DCC: variants seen among roughly 807,000 people sequenced by gnomAD.
DCC encodes netrin receptor DCC.
Under a neutral mutation model 172.5 loss-of-function variants are expected in DCC, and 58 were observed. The ratio of observed to expected loss-of-function variants is 0.34; its 90% CI spans 0.27 to 0.42. DCC has a LOEUF of 0.42. Among genes scored for constraint, DCC ranks in the 10% least tolerant of loss-of-function variants. DCC has a pLI of 1.00. For synonymous variants in DCC, 709 were observed against 644.5 expected (o/e 1.10, Z -1.52); for missense variants, 1,740 against 1,791.0 (o/e 0.97, Z 0.51).
At chr18:53,509,685 T>C (rs1279381052) in intron 27 of DCC, among the ~76,000 whole-genome samples, 2 of 152,230 alleles carry the variant, frequency 1.3e-5, no homozygotes, top group Non-Finnish European at 2.9e-5. Flanking sequence ...AGTGAGTTCA[T>C]AGCATTCATT....
At chr18:53,260,901 C>T (rs571893123) in intron 12 of DCC, among the ~76,000 whole-genome samples, 6 of 152,100 alleles carry the variant, frequency 3.9e-5, no homozygotes, top group African/African-American at 1.2e-4. Context: ...CCTCAGCAAT[C>T]GTAGGCACCC....
intron 12 of DCC, among the ~76,000 whole-genome samples, chr18:53,288,739 TTCTAAC>T (rs1598986669): frequency 6.6e-6 from 1 of 152,274 alleles, no homozygotes; most frequent in East Asian, 1.9e-4. Flanking sequence ...AGTAAACTAC[TTCTAAC>T]TGTTCTTAAG....
At chr18:52,642,046 ACTGTGG>A (rs1456753780) in intron 1 of DCC, among the ~76,000 whole-genome samples, 4 of 16,338 alleles carry the variant, frequency 2.4e-4, no homozygotes, top group Non-Finnish European at 4.7e-4. Context: ...ATATATATAT[ACTGTGG>A]TGTGTGTGTG....
intron 1 of DCC, among the ~76,000 whole-genome samples, chr18:52,372,926 T>C (rs1046605627): frequency 2.2e-4 from 34 of 152,288 alleles, no homozygotes; most frequent in African/African-American, 7.5e-4. Flanking sequence ...GAAAATGCAG[T>C]GCATTTTGCT....
chr18:53,157,598 G>A (rs2054764487), intron 8 of DCC, 86 bp downstream of exon 8: 1 of 1,420,050 alleles, frequency 7.0e-7, no homozygotes, highest in South Asian at 1.2e-5. Context: ...GAGATCTTGG[G>A]CAGGAACTTT....
intron 25 of DCC, among the ~76,000 whole-genome samples, chr18:53,481,257 G>C (rs1276395544): frequency 6.6e-6 from 1 of 152,208 alleles, no homozygotes; most frequent in Non-Finnish European, 1.5e-5. Flanking sequence ...GGATCAGTGG[G>C]AGGCATCTTT....
chr18:52,853,515 T>C (rs2039008487), intron 2 of DCC, among the ~76,000 whole-genome samples: 1 of 152,194 alleles, frequency 6.6e-6, no homozygotes, highest in African/African-American at 2.4e-5. Context: ...TCTGATTTCA[T>C]CAGGAAAACC....
chr18:52,629,730 C>G (rs2034639091), intron 1 of DCC, among the ~76,000 whole-genome samples: 1 of 151,992 alleles, frequency 6.6e-6, no homozygotes. Flanking sequence ...GCGGGCAGAT[C>G]ACGAGGTCAG....
chr18:53,504,908 ATGTTTTTT>A (rs1430223770), intron 27 of DCC, among the ~76,000 whole-genome samples: 2 of 152,152 alleles, frequency 1.3e-5, no homozygotes, highest in Non-Finnish European at 2.9e-5. Context: ...ATTTGGAGAA[ATGTTTTTT>A]TGTTTGTTTG....
intron 13 of DCC, among the ~76,000 whole-genome samples, chr18:53,312,587 T>C (rs1160330761): frequency 6.6e-6 from 1 of 151,272 alleles, no homozygotes; most frequent in Admixed American, 6.6e-5. Flanking sequence ...TCCCAGCATT[T>C]TGGGAGACCG....
At chr18:52,429,342 A>C (rs2144462242) in intron 1 of DCC, among the ~76,000 whole-genome samples, 1 of 152,242 alleles carries the variant, frequency 6.6e-6, no homozygotes, top group East Asian at 1.9e-4. Context: ...ACACTGAGGC[A>C]TGTGTGAGTG....
chr18:53,079,369 T>C (rs144252739), intron 7 of DCC, among the ~76,000 whole-genome samples: 2 of 152,242 alleles, frequency 1.3e-5, no homozygotes, highest in South Asian at 4.1e-4. Context: ...AGATCTTCTT[T>C]AATACGCTTG....
At chr18:53,441,230 C>CAAA (rs1199541408) in intron 22 of DCC, among the ~76,000 whole-genome samples, 1 of 152,124 alleles carries the variant, frequency 6.6e-6, no homozygotes, top group Non-Finnish European at 1.5e-5. Flanking sequence ...TCAAGTGTCC[C>CAAA]ATTGTCAGAT....
intron 8 of DCC, among the ~76,000 whole-genome samples, chr18:53,160,688 A>G (rs1202909936): frequency 6.6e-6 from 1 of 152,166 alleles, no homozygotes; most frequent in African/African-American, 2.4e-5. Flanking sequence ...TTTATCAGGC[A>G]GTCTCTCTCA....
At chr18:52,519,490 T>A (rs1477903393) in intron 1 of DCC, among the ~76,000 whole-genome samples, 4 of 152,206 alleles carry the variant, frequency 2.6e-5, no homozygotes, top group Admixed American at 2.0e-4. Context: ...TGCAATAGTT[T>A]AATCATTTCC....
chr18:53,099,525 A>G (rs1432567404), intron 7 of DCC, among the ~76,000 whole-genome samples: 1 of 152,174 alleles, frequency 6.6e-6, no homozygotes, highest in East Asian at 1.9e-4. Context: ...CTAGCTGTGC[A>G]GTTTCAACAA....
intron 1 of DCC, among the ~76,000 whole-genome samples, chr18:52,538,558 T>C (rs1379652937): frequency 6.6e-6 from 1 of 152,146 alleles, no homozygotes; most frequent in Non-Finnish European, 1.5e-5. Context: ...TATTATTTGG[T>C]AGGTTTTGTC....
intron 1 of DCC, among the ~76,000 whole-genome samples, chr18:52,535,464 G>T (rs1041540725): frequency 5.2e-4 from 79 of 152,248 alleles, no homozygotes; most frequent in African/African-American, 1.8e-3. Flanking sequence ...GGCTGCACTG[G>T]CTAAATCTTT....
chr18:52,993,658 G>A (rs1208132061), intron 5 of DCC, among the ~76,000 whole-genome samples: 1 of 152,084 alleles, frequency 6.6e-6, no homozygotes, highest in East Asian at 1.9e-4. Flanking sequence ...AATTAGGTGA[G>A]TTTTTTGAAT....
Sources: gnomAD v4.1 joint callset for allele counts (sites outside exome capture counted in the v4.1 genomes callset) on GRCh38, gnomAD v4.1.1 for gene constraint, MANE v1.5 for transcripts, NCBI Gene and HGNC (gene_info 2026-07-23, HGNC 2026-07-21) for gene names.